EPB42: variants seen among roughly 807,000 people sequenced by gnomAD.
The protein encoded by EPB42 is erythrocyte membrane protein band 4.2.
Under a neutral mutation model 76.9 loss-of-function variants are expected in EPB42, and 49 were observed. The ratio of observed to expected loss-of-function variants is 0.64; its 90% confidence interval spans 0.51 to 0.81. EPB42 has a LOEUF of 0.81. Ranked by LOEUF, EPB42 falls within the 30% of genes least tolerant of loss-of-function variation. The pLI, the probability that EPB42 is intolerant of heterozygous loss-of-function variation, is 0.00. For missense variants in EPB42, 731 were observed against 867.6 expected, an observed-to-expected ratio of 0.84 and a Z score of 1.98; for synonymous variants, 310 against 338.4, an observed-to-expected ratio of 0.92 and a Z score of 0.92.
At chr15:43,221,869 G>A (rs558946962), upstream of EPB42, among the ~76,000 whole-genome samples, 6 of 148,938 alleles carry the variant, frequency 4.0e-5, no homozygotes, top group East Asian at 5.9e-4. Context: ...TTTCACTAGC[G>A]CAGTGGCTCA....
At position 43,209,441 on chromosome 15, in the gene EPB42, A is replaced by G; in HGVS notation, c.665T>C (p.Leu222Pro). ...ARVLGALLHF[L>P]KEQRVLPTPQ... ...GGTGGGCAGGACCCTCTGCTCCTTG[A>G]GAAAATGCAGCTGTTTGGGGAAATG... Residue 222 changes from leucine to proline, a missense_variant, in exon 6 of 13, where the codon CTC becomes CCC. Leu to Pro is a moderately conservative substitution (Grantham distance 98). Transcript: ENST00000441366. 6.2e-7 allele frequency: 1 copy of G among 1,610,620 alleles called. No individual in the cohort carries two copies. The highest frequency in any genetic ancestry group is 2.2e-5 in the East Asian group (1 of 44,790).
chr15:43,203,753 T>TC (rs1200300709), intron 10 of EPB42, among the ~76,000 whole-genome samples: 1 of 152,118 alleles, frequency 6.6e-6, no homozygotes, highest in Non-Finnish European at 1.5e-5. Flanking sequence ...CCTGACCCCA[T>TC]CACACTAGCT....
Position 43,210,356 on chromosome 15 carries a change from C to T in EPB42, c.633G>A (p.Val211=). Residue 211 remains valine, a synonymous_variant, in exon 5 of 13, where the codon GTG becomes GTA. Coordinates refer to ENST00000441366, the MANE Select transcript of EPB42 (RefSeq NM_001114134.2). Reference sequence around the variant, plus strand: ...TTACCAAGGCACCCAACACACGGGCCACGTGCACCGGCTGGCTCCACTTCT... The same window carrying T: ...TTACCAAGGCACCCAACACACGGGCTACGTGCACCGGCTGGCTCCACTTCT... ...QVEKWSQPVH[V]ARVLGALLHF... is the part of the protein sequence containing the mutation. 6.2e-7 allele frequency: 1 copy of T among 1,613,792 alleles called. No homozygotes were observed. The highest frequency in any genetic ancestry group is 1.1e-5 in the South Asian group (1 of 91,078).
rs116484797 is a variant in EPB42 at position 43,208,280 on chromosome 15, C to T, written c.1025G>A (p.Gly342Asp). Reference protein sequence around the residue: ...CWMTRPALPQGYDGWQILHPS... With the variant: ...CWMTRPALPQDYDGWQILHPS... ...GTGCAGAATCTGCCATCCATCATAA[C>T]CCTGGGGCAAGGCAGGCCGCGTCAT... Residue 342 changes from glycine to aspartate, a missense_variant, in exon 8 of 13, where the codon GGT becomes GAT. Gly to Asp is a moderately conservative substitution (Grantham distance 94). Coordinates refer to ENST00000441366, the MANE Select transcript of EPB42 (RefSeq NM_001114134.2). 1.8e-3 allele frequency: 2,907 copies of T among 1,614,144 alleles called. 8 individuals carry two copies. Among genetic ancestry groups the T allele is most frequent in the South Asian group, 4.8e-3 (436 of 91,090 alleles).
chr15:43,220,821 C>G lies in EPB42; in HGVS notation c.5G>C (p.Gly2Ala). The change falls in exon 1 of 13, where the codon GGA (glycine) becomes GCA (alanine). Residue 2 changes from glycine to alanine, a missense_variant. By Grantham distance (60) the Gly-to-Ala change is moderately conservative. Coordinates refer to ENST00000441366, the MANE Select transcript of EPB42 (RefSeq NM_001114134.2). M[G>A]QALGIKSCDF... ...CGAGCGCTGGCTTGGCTCACCCTGT[C>G]CCATGGTTGCAGGCCGCTCCTCTTA... 1 of 1,611,642 alleles carries G rather than the reference C, an allele frequency of 6.2e-7. No individual in the cohort carries two copies. The highest frequency in any genetic ancestry group is 8.5e-7 in the Non-Finnish European group (1 of 1,179,976).
intron 2 of EPB42, among the ~76,000 whole-genome samples, 188 bp downstream of exon 2, chr15:43,216,080 T>C (rs2042373609): frequency 6.6e-6 from 1 of 152,224 alleles, no homozygotes; most frequent in Non-Finnish European, 1.5e-5. Flanking sequence ...TTCTGAGTCA[T>C]CATAAACAAT....
chr15:43,202,336 G>A (rs111606602), intron 11 of EPB42, among the ~76,000 whole-genome samples: 143 of 152,108 alleles, frequency 9.4e-4, no homozygotes, highest in African/African-American at 3.0e-3. Flanking sequence ...GCCCCGTCAG[G>A]GACTGTTCCA....
Position 43,216,356 on chromosome 15 carries a change from C to A in EPB42, c.108G>T (p.Gly36=), listed in dbSNP as rs1373465432. Residue 36 remains glycine (G), a synonymous_variant, in exon 2 of 13, where the codon GGG becomes GGT. Coordinates refer to ENST00000441366, the MANE Select transcript of EPB42 (RefSeq NM_001114134.2). ...LSSRRLFVRR[G]QPFTIILYFR... ...AGTACAGGATGATGGTGAAGGGCTGCCCCCTCCTCACAAAGAGGCGCCGGG... is the reference window on the plus strand; with the variant it reads ...AGTACAGGATGATGGTGAAGGGCTGACCCCTCCTCACAAAGAGGCGCCGGG... The A allele has an allele frequency of 6.2e-7, 1 of 1,614,170 alleles. No individual in the cohort carries two copies. Among genetic ancestry groups the A allele is most frequent in the Non-Finnish European group, 8.5e-7 (1 of 1,180,032 alleles).
chr15:43,203,740 C>T (rs1437110355), intron 10 of EPB42, among the ~76,000 whole-genome samples: 2 of 152,148 alleles, frequency 1.3e-5, no homozygotes, highest in African/African-American at 4.8e-5. Context: ...ATCTGTGCCC[C>T]ATCCTGACCC....
At chr15:43,208,375 G>A (rs780625214) in intron 7 of EPB42, 42 bp from the exon 8 acceptor site, 36 of 1,584,912 alleles carry the variant, frequency 2.3e-5, no homozygotes, top group East Asian at 8.9e-5. Context: ...GAAAGAAAAC[G>A]AGTGCTGAAG....
At chr15:43,208,799 CAG>C in intron 6 of EPB42, 24 bp from the exon 7 acceptor site, 1 of 1,612,338 alleles carries the variant, frequency 6.2e-7, no homozygotes. Context: ...GGCGGAGTGT[CAG>C]GGGGCGCTTG....
intron 1 of EPB42, among the ~76,000 whole-genome samples, chr15:43,220,355 T>C (rs1004649259): frequency 6.6e-6 from 1 of 152,100 alleles, no homozygotes; most frequent in African/African-American, 2.4e-5. Flanking sequence ...TTCTCTCCCA[T>C]TTGGTGTAGA....
chr15:43,200,276 T>G (rs1439485884), intron 12 of EPB42, among the ~76,000 whole-genome samples: 4 of 152,214 alleles, frequency 2.6e-5, no homozygotes, highest in Admixed American at 2.0e-4. Flanking sequence ...CAAGAATGTC[T>G]CATTAAGTTT....
chr15:43,209,233 C>T (rs1374318064), intron 6 of EPB42, 41 bp downstream of exon 6: 2 of 1,612,392 alleles, frequency 1.2e-6, no homozygotes, highest in African/African-American at 2.7e-5. Context: ...CAGGGAACAA[C>T]CCAGGAGGCA....
chr15:43,209,417 G>A lies in EPB42; in HGVS notation c.689C>T (p.Thr230Ile), dbSNP rs369510659. 8.1e-6 allele frequency: 13 copies of A among 1,613,240 alleles called. No individual in the cohort carries two copies. The highest frequency in any genetic ancestry group is 1.1e-5 in the Non-Finnish European group (13 of 1,179,646). The change falls in exon 6 of 13, where the codon ACC becomes ATC. Residue 230 changes from threonine (T) to isoleucine (I), a missense_variant. Transcript: ENST00000441366. Reference protein sequence around the residue: ...HFLKEQRVLPTPQTQATQEGA... With the variant: ...HFLKEQRVLPIPQTQATQEGA... ...TTCCTGGGTGGCCTGGGTCTGCGGG[G>A]TGGGCAGGACCCTCTGCTCCTTGAG...
At chr15:43,219,514 G>C (rs1417168020) in intron 1 of EPB42, among the ~76,000 whole-genome samples, 12 of 152,140 alleles carry the variant, frequency 7.9e-5, no homozygotes, top group African/African-American at 2.9e-4. Flanking sequence ...GTGGCTACTG[G>C]GCCCTCTGCC....
At chr15:43,208,557 G>C (rs2042241934) in intron 7 of EPB42, 80 bp downstream of exon 7, 2 of 1,599,878 alleles carry the variant, frequency 1.3e-6, no homozygotes, top group African/African-American at 2.7e-5. Context: ...CCATGCAGGG[G>C]GTGGGGCTCC....
chr15:43,217,137 T>C (rs951108704), intron 1 of EPB42, among the ~76,000 whole-genome samples: 2 of 152,356 alleles, frequency 1.3e-5, no homozygotes, highest in African/African-American at 4.8e-5. Context: ...GGTCGAATTG[T>C]AATCCCCAGT....
intron 2 of EPB42, among the ~76,000 whole-genome samples, chr15:43,215,551 G>GT (rs1447247750): frequency 7.9e-5 from 12 of 152,198 alleles, no homozygotes; most frequent in African/African-American, 2.9e-4. Context: ...CATTGTAATA[G>GT]TAACTTCTTC....
Sources: gnomAD v4.1 joint callset for allele counts (sites outside exome capture counted in the v4.1 genomes callset) on GRCh38, gnomAD v4.1.1 for gene constraint, MANE v1.5 for transcripts, NCBI Gene and HGNC (gene_info 2026-07-23, HGNC 2026-07-21) for gene names.